Variants in SEC14L6 observed in about 807,000 individuals in gnomAD.
SEC14L6 encodes the protein SEC14-like protein 6.
Under a neutral mutation model 54.1 loss-of-function variants are expected in SEC14L6, and 40 were observed. The ratio of observed to expected loss-of-function variants is 0.74; its 90% CI spans 0.57 to 0.96. The LOEUF (loss-of-function observed/expected upper bound fraction) is 0.96, where lower values mean the gene tolerates loss of function less well. Ranked by LOEUF, SEC14L6 falls within the 40% of genes least tolerant of loss-of-function variation. The probability of loss-of-function intolerance (pLI) is 0.00; values close to 1 mark genes in which losing one functional copy is unlikely to be tolerated. For missense variants in SEC14L6, 471 were observed against 498.3 expected (o/e 0.95, Z 0.52); for synonymous variants, 171 against 198.4 (o/e 0.86, Z 1.16).
intron 1 of SEC14L6, chr22:30,543,700 G>A (rs146661839): frequency 1.6e-4 from 254 of 1,608,612 alleles, no homozygotes; most frequent in South Asian, 6.4e-4. Flanking sequence ...TGTGGTGGGC[G>A]TGGTGTGCAC....
At position 30,529,089 on chromosome 22, in the gene SEC14L6, C is replaced by T. The variant is rs1225777715; in HGVS notation, c.662G>A (p.Gly221Glu). Residue 221 changes from glycine to glutamate, a missense_variant and splice_region_variant, in exon 8 of 12, where the codon GGA becomes GAA. By Grantham distance (98) the Gly-to-Glu change is moderately conservative (BLOSUM62 -2). Transcript: ENST00000402034. ...EETRRKVVIL[G>E]DNWKQELTKF... ...GAGGCCGCAGAGGGCTCACTCACCT[C>T]CGAGAATCACCACCTTCCTGCGTGT... is the stretch of plus-strand genomic sequence containing the variant. 1 of 1,550,682 alleles carries T rather than the reference C, an allele frequency of 6.4e-7. No homozygotes were observed. The highest frequency in any genetic ancestry group is 1.2e-5 in the South Asian group (1 of 84,016).
chr22:30,535,393 T>TC (rs1240960382), intron 2 of SEC14L6, among the ~76,000 whole-genome samples: 3 of 152,132 alleles, frequency 2.0e-5, no homozygotes, highest in Non-Finnish European at 2.9e-5. Flanking sequence ...TTTCACTTGG[T>TC]CCCCAGGGCC....
rs1367155934 is a variant in SEC14L6 at position 30,529,282 on chromosome 22, TACTC to T, written c.580+3_580+6del. 6.4e-7 allele frequency: 1 copy of T among 1,550,440 alleles called. No homozygotes were observed. ...AACTCATGCATATCCTGGGCTGCTT[TACTC>T]ACCTCTCACAACAATTAAACTCTTC... On this transcript the variant is annotated splice_donor_5th_base_variant and intron_variant, in intron 7 of 11. Coordinates refer to ENST00000402034, the MANE Select transcript of SEC14L6 (RefSeq NM_001193336.4).
intron 1 of SEC14L6, among the ~76,000 whole-genome samples, chr22:30,545,736 A>G (rs996255665): frequency 6.6e-6 from 1 of 152,172 alleles, no homozygotes; most frequent in Non-Finnish European, 1.5e-5. Flanking sequence ...AGTTGTTTTT[A>G]TATTGATTAG....
Position 30,539,712 on chromosome 22 carries a change from A to T in SEC14L6, c.55-810T>A, listed in dbSNP as rs140805625. Among the ~76,000 whole-genome samples, 29 of 152,352 alleles carry T rather than the reference A, an allele frequency of 1.9e-4. 1 individual carries two copies. Among genetic ancestry groups the T allele is most frequent in the African/African-American group, 6.5e-4 (27 of 41,584 alleles). On this transcript the variant is annotated intron_variant, in intron 1 of 11. Coordinates refer to ENST00000402034, the MANE Select transcript of SEC14L6 (RefSeq NM_001193336.4). ...CTTTGACCGTTCCCTCCCACACTTA[A>T]GCAGGGCTGAGCTGTGTACCTGATA... is the stretch of plus-strand genomic sequence containing the variant.
rs143992907 is a variant in SEC14L6, at chr22:30,546,349, C to T, written c.54+280G>A. Among the ~76,000 whole-genome samples the T allele has an allele frequency of 8.9e-3, 1,279 of 143,542 alleles. 13 individuals are homozygous for T. The highest frequency in any genetic ancestry group is 0.034 in the Middle Eastern group (9 of 264). 94.2% of individuals were successfully genotyped at this position (143,542 alleles called of 152,430 possible). On this transcript the variant is annotated intron_variant, in intron 1 of 11. Transcript: ENST00000402034. ...AGTGAGCCAAGATTGTGCCGTTGTA[C>T]TCCAACCTGGGCAACAAGAGCGAAA...
At chr22:30,541,055 T>A (rs2146296803) in intron 1 of SEC14L6, among the ~76,000 whole-genome samples, 1 of 152,212 alleles carries the variant, frequency 6.6e-6, no homozygotes, top group African/African-American at 2.4e-5. Context: ...AACTTTTTTT[T>A]AATTAAAACT....
intron 8 of SEC14L6, among the ~76,000 whole-genome samples, chr22:30,528,170 T>C (rs1936841946): frequency 6.8e-6 from 1 of 147,048 alleles, no homozygotes; most frequent in Non-Finnish European, 1.5e-5. Flanking sequence ...TCACCCAGGC[T>C]GGAGTGCACT....
chr22:30,527,066 G>C (rs5753180), intron 8 of SEC14L6, among the ~76,000 whole-genome samples: 14,034 of 151,776 alleles, frequency 0.092, 1,385 homozygotes, highest in African/African-American at 0.25. Context: ...CCACTGCGCT[G>C]CAGCCTGGGA....
At position 30,533,235 on chromosome 22, in the gene SEC14L6, T is replaced by C. The variant is rs1937041940; in HGVS notation, c.175-379A>G. 6 of 799,630 alleles carry C rather than the reference T, an allele frequency of 7.5e-6. No homozygotes were observed. In the South Asian group the frequency reaches 2.9e-4, roughly 38 times the overall value. The allele number at this position is 799,630 out of a possible 1,614,324, so 49.5% of individuals were successfully genotyped here. On this transcript the variant is annotated intron_variant, in intron 3 of 11. Transcript: ENST00000402034. The stretch of plus-strand genomic sequence containing the variant: ...TACAAGGCCTGCAGAGCCTGGCTGA[T>C]GTGTTGGGGCCACCCTGTAACCTCA...
intron 5 of SEC14L6, 64 bp downstream of exon 5, chr22:30,532,461 T>C: frequency 1.4e-6 from 2 of 1,455,738 alleles, no homozygotes; most frequent in East Asian, 2.5e-5. Context: ...AGATTCTGGG[T>C]GTGAGGCTCA....
intron 6 of SEC14L6, 56 bp from the exon 7 acceptor site, chr22:30,529,405 CCT>C (rs1936894605): frequency 2.2e-6 from 3 of 1,387,892 alleles, no homozygotes; most frequent in Middle Eastern, 1.8e-4. Context: ...CCTTGCATCC[CCT>C]CTCGCCCCAC....
chr22:30,537,805 T>C (rs1385889353), intron 2 of SEC14L6, among the ~76,000 whole-genome samples: 1 of 152,232 alleles, frequency 6.6e-6, no homozygotes, highest in Non-Finnish European at 1.5e-5. Flanking sequence ...TTTGAAATGA[T>C]AGATCTGCCT....
chr22:30,535,887 G>GTTTTT (rs71643521), intron 2 of SEC14L6, among the ~76,000 whole-genome samples: 22 of 128,500 alleles, frequency 1.7e-4, no homozygotes, highest in African/African-American at 5.5e-4. Context: ...AGTTTTTTGT[G>GTTTTT]TTTTTTTTTT....
Position 30,525,636 on chromosome 22 carries a change from T to C in SEC14L6, c.886A>G (p.Ile296Val). Residue 296 changes from isoleucine (I) to valine (V), a missense_variant, in exon 10 of 12, where the codon ATC becomes GTC. Coordinates refer to ENST00000402034, the MANE Select transcript of SEC14L6 (RefSeq NM_001193336.4). The stretch of plus-strand genomic sequence containing the variant: ...CTGAGCACACAGCCCGGGAACAGGA[T>C]CTCGTTCTCCACCTGCAGGGAGGAG... ...RGSSLQVENE[I>V]LFPGCVLRWQ... is the part of the protein sequence containing the mutation. 1 of 1,609,068 alleles carries C rather than the reference T, an allele frequency of 6.2e-7. No individual in the cohort carries two copies.
In SEC14L6 at chr22:30,524,640, G is replaced by C. The variant is rs529071581; in HGVS notation, c.*357C>G. The C allele has an allele frequency of 1.2e-5, 2 of 168,662 alleles. No homozygotes were observed. Among genetic ancestry groups the C allele is most frequent in the African/African-American group, 4.8e-5 (2 of 42,032 alleles). The allele number at this position is 168,662 out of a possible 1,614,324, so 10.4% of individuals were successfully genotyped here. A position where few individuals can be genotyped will look rare whatever the true frequency, so the allele number is the denominator to read the frequency against. ...GATCTGCCCGCCTTGGCTTCCCAAA[G>C]TGCTGGGATTACAGGTATGAGCCAC... On this transcript the variant is annotated 3_prime_UTR_variant, in exon 12 of 12. Coordinates refer to ENST00000402034, the MANE Select transcript of SEC14L6 (RefSeq NM_001193336.4).
In SEC14L6 at chr22:30,523,652, C is replaced by T. The variant is rs550194623; in HGVS notation, c.*1345G>A. The T allele has an allele frequency of 6.6e-6, 1 of 152,346 alleles. No individual in the cohort carries two copies. The highest frequency in any genetic ancestry group is 2.4e-5 in the African/African-American group (1 of 41,554). The allele number at this position is 152,346 out of a possible 1,614,324, so 9.4% of individuals were successfully genotyped here. A position where few individuals can be genotyped will look rare whatever the true frequency, so the allele number is the denominator to read the frequency against. On this transcript the variant is annotated 3_prime_UTR_variant, in exon 12 of 12. Transcript: ENST00000402034. Reference sequence around the variant, plus strand: ...GGATTACAGGTGTGAGCCACTGCACCTGGCCAGTTTGAAATCTTAATCAGG... The same window carrying T: ...GGATTACAGGTGTGAGCCACTGCACTTGGCCAGTTTGAAATCTTAATCAGG...
In SEC14L6 at chr22:30,525,416, T is replaced by A. The variant is rs1936734709; in HGVS notation, c.1015A>T (p.Ser339Cys). The stretch of plus-strand genomic sequence containing the variant: ...ACCATGTGGGCATTGTAGCGCTGGC[T>A]GGGCAGCACCTCTGTCATCTCCCTA... ...RAREMTEVLP[S>C]QRYNAHMVPE... The change falls in exon 11 of 12, where the codon AGC becomes TGC. Residue 339 changes from serine to cysteine, a missense_variant. Ser to Cys is a moderately radical substitution (Grantham distance 112, BLOSUM62 -1). Transcript: ENST00000402034. The A allele has an allele frequency of 6.2e-7, 1 of 1,614,204 alleles. No homozygotes were observed. Among genetic ancestry groups the A allele is most frequent in the Non-Finnish European group, 8.5e-7 (1 of 1,180,032 alleles).
At chr22:30,543,241 C>T in intron 1 of SEC14L6, 1 of 1,599,516 alleles carries the variant, frequency 6.3e-7, no homozygotes, top group Non-Finnish European at 8.6e-7. Context: ...CATTCACTCT[C>T]AAGTCATCTG....
Sources: gnomAD v4.1 joint callset for allele counts (sites outside exome capture counted in the v4.1 genomes callset) on GRCh38, gnomAD v4.1.1 for gene constraint, MANE v1.5 for transcripts, NCBI Gene and HGNC (gene_info 2026-07-23, HGNC 2026-07-21) for gene names.